Variants in VPS26C observed in about 807,000 individuals in gnomAD.
VPS26C encodes vacuolar protein sorting-associated protein 26C.
VPS26C carries 19 observed loss-of-function variants against 30.6 expected under a neutral mutation model. The observed-to-expected ratio is 0.62, with a 90% confidence interval of 0.43 to 0.91. VPS26C has a LOEUF of 0.91. VPS26C is among the 40% of genes least tolerant of loss of function. The pLI is 0.00. For missense variants in VPS26C, 318 were observed against 385.1 expected (o/e 0.83, Z 1.46); for synonymous variants, 132 against 151.5 (o/e 0.87, Z 0.95).
At chr21:37,267,668 C>G, upstream of VPS26C, 5 of 291,922 alleles carry the variant, frequency 1.7e-5, no homozygotes, top group Non-Finnish European at 3.3e-5. Flanking sequence ...TGCCCCGCGG[C>G]TGGAGGCGGA....
chr21:37,248,113 T>C (rs2086155143), intron 1 of VPS26C, among the ~76,000 whole-genome samples: 3 of 152,112 alleles, frequency 2.0e-5, no homozygotes, highest in African/African-American at 7.2e-5. Context: ...GTAAAACAAA[T>C]TCGTTGTGGG....
At chr21:37,262,780 T>C (rs2086318679) in intron 1 of VPS26C, among the ~76,000 whole-genome samples, 1 of 151,912 alleles carries the variant, frequency 6.6e-6, no homozygotes. Context: ...TTTTTTTTTT[T>C]TTTTTGAGAC....
chr21:37,240,849 G>A (rs8134962), intron 1 of VPS26C, among the ~76,000 whole-genome samples: 18 of 152,170 alleles, frequency 1.2e-4, no homozygotes, highest in African/African-American at 3.9e-4. Context: ...CACACCTGAC[G>A]GGGAGCACCC....
At chr21:37,259,207 TA>T (rs939433166) in intron 1 of VPS26C, among the ~76,000 whole-genome samples, 26 of 144,702 alleles carry the variant, frequency 1.8e-4, no homozygotes, top group South Asian at 2.2e-4. Context: ...TATTTAAGCT[TA>T]AAAAAAAAAA....
intron 7 of VPS26C, 69 bp from the exon 8 acceptor site, chr21:37,225,695 C>T: frequency 7.4e-7 from 1 of 1,348,250 alleles, no homozygotes; most frequent in Non-Finnish European, 1.1e-6. Flanking sequence ...GCCGCCACCA[C>T]TGCAGTCGCA....
Position 37,225,466 on chromosome 21 carries a change from G to A in VPS26C, c.*78C>T, listed in dbSNP as rs2085888919. 2 of 1,236,612 alleles carry A rather than the reference G, an allele frequency of 1.6e-6. No individual in the cohort carries two copies. Among genetic ancestry groups the A allele is most frequent in the East Asian group, 4.7e-5 (2 of 42,794 alleles). 76.6% of individuals were successfully genotyped at this position (1,236,612 alleles called of 1,614,324 possible). A position where few individuals can be genotyped will look rare whatever the true frequency, so the allele number is the denominator to read the frequency against. ...CAAAAACAAGTATATGCCGCTGGCT[G>A]TAGCTCCCCTTAGGATTTGGATAAC... is the stretch of plus-strand genomic sequence containing the variant. On this transcript the variant is annotated 3_prime_UTR_variant, in exon 8 of 8. Coordinates refer to ENST00000309117, the MANE Select transcript of VPS26C (RefSeq NM_006052.2).
intron 1 of VPS26C, among the ~76,000 whole-genome samples, chr21:37,245,804 T>C (rs2086132794): frequency 6.6e-6 from 1 of 152,092 alleles, no homozygotes; most frequent in African/African-American, 2.4e-5. Flanking sequence ...AGACAATTGC[T>C]TCTATAAAGG....
chr21:37,228,354 A>G lies in VPS26C; in HGVS notation c.527T>C (p.Phe176Ser), dbSNP rs2085926188. The change falls in exon 6 of 8, where the codon TTT (phenylalanine) becomes TCT (serine). Residue 176 changes from phenylalanine (F) to serine (S), a missense_variant. By Grantham distance (155) the Phe-to-Ser change is radical. Coordinates refer to ENST00000309117, the MANE Select transcript of VPS26C (RefSeq NM_006052.2). ...TGAGTTGAGATGTCCTCGAAGGAGA[A>G]ATTTGGGAAGCAAAGCTCTCTAAAA... ...NVKERALLPK[F>S]LLRGHLNSTN... 1.2e-6 allele frequency: 2 copies of G among 1,614,178 alleles called. No individual in the cohort carries two copies. The highest frequency in any genetic ancestry group is 4.5e-5 in the East Asian group (2 of 44,890).
intron 7 of VPS26C, 146 bp downstream of exon 7, chr21:37,227,508 G>T: frequency 2.2e-6 from 2 of 902,106 alleles, no homozygotes; most frequent in Non-Finnish European, 3.4e-6. Flanking sequence ...AAGGGCAGCA[G>T]GCTCTGAGCT....
intron 1 of VPS26C, among the ~76,000 whole-genome samples, chr21:37,247,826 G>A (rs2086152400): frequency 6.6e-6 from 1 of 152,114 alleles, no homozygotes; most frequent in African/African-American, 2.4e-5. Flanking sequence ...GAGAATGAAG[G>A]ATTAAACAAG....
At chr21:37,238,137 G>A in intron 3 of VPS26C, 1 of 261,978 alleles carries the variant, frequency 3.8e-6, no homozygotes. Flanking sequence ...TAATGCTAGT[G>A]CCAGAAAGAA....
At chr21:37,253,257 C>T (rs2086211944) in intron 1 of VPS26C, among the ~76,000 whole-genome samples, 3 of 152,200 alleles carry the variant, frequency 2.0e-5, no homozygotes, top group Admixed American at 2.0e-4. Context: ...TTTTGGCATG[C>T]TTGCTGTATC....
At position 37,240,478 on chromosome 21, in the gene VPS26C, C is replaced by CT. The variant is rs981242998; in HGVS notation, c.201+17dup. On this transcript the variant is annotated intron_variant, in intron 2 of 7. Coordinates refer to ENST00000309117, the MANE Select transcript of VPS26C (RefSeq NM_006052.2). ...CAATATTGAACTAAAAACTTGCAAT[C>CT]TAAGCATTCTTTCTTACCTTAACAG... The CT allele has an allele frequency of 6.2e-7, 1 of 1,613,094 alleles. No individual in the cohort carries two copies. Among genetic ancestry groups the CT allele is most frequent in the Non-Finnish European group, 8.5e-7 (1 of 1,179,698 alleles).
chr21:37,249,982 G>A (rs2086175140), intron 1 of VPS26C, among the ~76,000 whole-genome samples: 1 of 152,132 alleles, frequency 6.6e-6, no homozygotes, highest in Admixed American at 6.5e-5. Context: ...AGTGATACTG[G>A]GAAACTGGCC....
In VPS26C at chr21:37,257,998, G is replaced by A. The variant is rs959051971; in HGVS notation, c.57+9240C>T. 1.3e-5 allele frequency among the ~76,000 whole-genome samples: 2 copies of A among 152,116 alleles called. No homozygotes were observed. The highest frequency in any genetic ancestry group is 2.9e-5 in the Non-Finnish European group (2 of 68,044). ...GCACATGGTACCCGCGGCCCCAGCT[G>A]GCCAGTGTGTGGCGGAGATGAGACC... is the stretch of plus-strand genomic sequence containing the variant. On this transcript the variant is annotated intron_variant, in intron 1 of 7. Transcript: ENST00000309117. The surrounding 1 kb of genome is among the most constrained non-coding windows in gnomAD (Gnocchi z 4.2).
intron 3 of VPS26C, among the ~76,000 whole-genome samples, chr21:37,236,071 C>T (rs1020491527): frequency 1.3e-5 from 2 of 151,774 alleles, no homozygotes; most frequent in African/African-American, 2.4e-5. Flanking sequence ...TGATTTTTAC[C>T]GTTTTAGATT....
At chr21:37,266,471 C>T (rs796335313) in intron 1 of VPS26C, among the ~76,000 whole-genome samples, 9 of 152,162 alleles carry the variant, frequency 5.9e-5, no homozygotes, top group African/African-American at 2.2e-4. Context: ...GGGAGTGGAA[C>T]CCAAGCAATC....
chr21:37,235,579 C>T (rs1225352645), intron 3 of VPS26C, among the ~76,000 whole-genome samples: 1 of 152,086 alleles, frequency 6.6e-6, no homozygotes, highest in Non-Finnish European at 1.5e-5. Context: ...AGCACAGCTA[C>T]AAGAGTAAAG....
In VPS26C at chr21:37,232,462, AG is replaced by A. The variant is rs1384778147; in HGVS notation, c.433-12del. ...CTTCCCCTTCTGAGGCTAAAACGAG[AG>A]GTGAAACCGAAATCAGTAGGTGAAG... On this transcript the variant is annotated splice_polypyrimidine_tract_variant and intron_variant, in intron 4 of 7. Coordinates refer to ENST00000309117, the MANE Select transcript of VPS26C (RefSeq NM_006052.2). 5.0e-6 allele frequency: 8 copies of A among 1,612,582 alleles called. No individual in the cohort carries two copies. The highest frequency in any genetic ancestry group is 6.8e-6 in the Non-Finnish European group (8 of 1,178,694).
Sources: allele counts gnomAD v4.1 joint callset (sites outside exome capture counted in the v4.1 genomes callset), GRCh38; gene constraint gnomAD v4.1.1; non-coding constraint Gnocchi (gnomAD v3.1); transcripts MANE v1.5; gene names NCBI Gene and HGNC (gene_info 2026-07-23, HGNC 2026-07-21).